The following THADA variants were observed in gnomAD, a reference collection of about 807,000 sequenced individuals.
The protein encoded by THADA is THADA armadillo repeat containing.
A neutral mutation model predicts 219.8 loss-of-function variants in THADA; 213 were observed. The ratio of observed to expected loss-of-function variants is 0.97; its 90% CI spans 0.87 to 1.09. The LOEUF (loss-of-function observed/expected upper bound fraction) is 1.09. Ranked by LOEUF, THADA falls within the 50% of genes least tolerant of loss-of-function variation. The pLI is 0.00. For synonymous variants in THADA, 1,018 were observed against 828.9 expected, an observed-to-expected ratio of 1.23 and a Z score of -3.92; for missense variants, 2,956 against 2,311.3, an observed-to-expected ratio of 1.28 and a Z score of -5.72.
At chr2:43,248,182 G>T (rs1025747618) in intron 36 of THADA, among the ~76,000 whole-genome samples, 57 of 107,590 alleles carry the variant, frequency 5.3e-4, no homozygotes, top group African/African-American at 1.7e-3. Context: ...GAGAGAGAGA[G>T]AGAGAGAGAG....
chr2:43,595,522 T>G (rs1193042728), intron 1 of THADA: 1 of 152,366 alleles, frequency 6.6e-6, no homozygotes, highest in Non-Finnish European at 1.5e-5. Flanking sequence ...TCGGTAATTA[T>G]GCCTGCTCAA....
rs1241802352 is a variant in THADA at position 43,231,362 on chromosome 2, C to G, written c.5467-19G>C. ...CTTCCACCTAAATCAGATGAAAAAG[C>G]CGAAAGTCAGTCTTACAGGGAATGG... On this transcript the variant is annotated intron_variant, in intron 37 of 37. Transcript: ENST00000405975. The G allele has an allele frequency of 9.3e-6, 14 of 1,497,822 alleles. No homozygotes were observed. Among genetic ancestry groups the G allele is most frequent in the Non-Finnish European group, 1.2e-5 (13 of 1,124,346 alleles). The allele number at this position is 1,497,822 out of a possible 1,614,324, so 92.8% of individuals were successfully genotyped here. A position where few individuals can be genotyped will look rare whatever the true frequency, so the allele number is the denominator to read the frequency against.
intron 31 of THADA, among the ~76,000 whole-genome samples, chr2:43,306,814 G>T (rs1412420507): frequency 6.6e-6 from 1 of 152,208 alleles, no homozygotes; most frequent in Non-Finnish European, 1.5e-5. Context: ...TGGGAGTCAG[G>T]ATCCAGCTGC....
At chr2:43,450,675 C>T (rs938901965) in intron 26 of THADA, among the ~76,000 whole-genome samples, 2 of 151,930 alleles carry the variant, frequency 1.3e-5, no homozygotes, top group Non-Finnish European at 2.9e-5. Context: ...AACCACAAGA[C>T]AAGAGATTGG....
intron 26 of THADA, chr2:43,463,034 C>T (rs1403278997): frequency 6.6e-6 from 1 of 152,134 alleles, no homozygotes; most frequent in East Asian, 1.9e-4. Context: ...ATACACATAC[C>T]ACTTCCATTC....
rs921527750 is a variant in THADA at position 43,543,460 on chromosome 2, A to C, written c.3107-2144T>G. Among the ~76,000 whole-genome samples, 32 of 151,362 alleles carry C rather than the reference A, an allele frequency of 2.1e-4. 1 individual carries two copies. In the South Asian group the frequency reaches 5.9e-3, roughly 28 times the overall value. ...CTGAGGAATCGCCACACTGACTTCCACAATGGTTGAACTAGTTTACAGTCC... is the reference window on the plus strand; with the variant it reads ...CTGAGGAATCGCCACACTGACTTCCCCAATGGTTGAACTAGTTTACAGTCC... On this transcript the variant is annotated intron_variant, in intron 20 of 37. Transcript: ENST00000405975.
chr2:43,585,908 T>C (rs1027725406), intron 7 of THADA, among the ~76,000 whole-genome samples: 1 of 152,058 alleles, frequency 6.6e-6, no homozygotes, highest in Admixed American at 6.5e-5. Context: ...ATAAAAACTT[T>C]GAATTTATTA....
chr2:43,370,193 T>C (rs528344154), intron 29 of THADA: 1 of 152,388 alleles, frequency 6.6e-6, no homozygotes, highest in Admixed American at 6.5e-5. Context: ...GGTTTGCCTC[T>C]TGGCCTGAAA....
intron 30 of THADA, 181 bp downstream of exon 30, chr2:43,343,941 A>G (rs1380433965): frequency 6.0e-6 from 3 of 503,554 alleles, no homozygotes; most frequent in African/African-American, 1.9e-5. Context: ...TTTTAGAAAA[A>G]TTGTCAAGAA....
At chr2:43,324,695 T>G (rs1202542409) in intron 30 of THADA, among the ~76,000 whole-genome samples, 1 of 152,204 alleles carries the variant, frequency 6.6e-6, no homozygotes, top group East Asian at 1.9e-4. Flanking sequence ...CACTGTAAGT[T>G]CAGGGTGAGC....
At position 43,293,106 on chromosome 2, in the gene THADA, G is replaced by A. The variant is rs1674940247; in HGVS notation, c.4546C>T (p.Leu1516Phe). The stretch of plus-strand genomic sequence containing the variant: ...ATGGCTAGTCTGGTGAGGCTCTGGA[G>A]GTACTGGGGCAGGCCTGGCACCTTG... ...AFKVPGLPQY[L>F]QSLTRLAIAA... is the part of the protein sequence containing the mutation. The change falls in exon 32 of 38, where the codon CTC (leucine) becomes TTC (phenylalanine). Residue 1516 changes from leucine to phenylalanine, a missense_variant. Leu to Phe is a conservative substitution (Grantham distance 22). Coordinates refer to ENST00000405975, the MANE Select transcript of THADA (RefSeq NM_022065.5). 3 of 1,613,892 alleles carry A rather than the reference G, an allele frequency of 1.9e-6. No homozygotes were observed. The highest frequency in any genetic ancestry group is 2.2e-5 in the South Asian group (2 of 91,088).
chr2:43,401,123 T>G (rs1674781095), intron 28 of THADA, among the ~76,000 whole-genome samples: 1 of 152,230 alleles, frequency 6.6e-6, no homozygotes, highest in Non-Finnish European at 1.5e-5. Context: ...GTTCTAGGCC[T>G]GAATACTAGG....
intron 28 of THADA, among the ~76,000 whole-genome samples, chr2:43,422,922 T>C (rs942935435): frequency 2.6e-5 from 4 of 152,184 alleles, no homozygotes; most frequent in Non-Finnish European, 5.9e-5. Context: ...GTTCTCCTTA[T>C]GTTGCCCAGG....
At chr2:43,439,548 G>A (rs925453327) in intron 26 of THADA, among the ~76,000 whole-genome samples, 1 of 151,394 alleles carries the variant, frequency 6.6e-6, no homozygotes, top group African/African-American at 2.4e-5. Context: ...CACAGGGCTT[G>A]TGTTCAAGGA....
chr2:43,368,653 C>T (rs1006768408), intron 29 of THADA, among the ~76,000 whole-genome samples: 2 of 151,966 alleles, frequency 1.3e-5, no homozygotes, highest in South Asian at 2.1e-4. Context: ...TTGTCTCAGG[C>T]TCCCAAAGTG....
At chr2:43,430,346 T>C (rs1321750636) in intron 26 of THADA, 44 bp from the exon 27 acceptor site, 2 of 1,148,482 alleles carry the variant, frequency 1.7e-6, no homozygotes, top group Non-Finnish European at 2.5e-6. Flanking sequence ...TTATTCCCTT[T>C]GATCTGACAA....
intron 36 of THADA, among the ~76,000 whole-genome samples, chr2:43,279,374 G>C (rs543171883): frequency 6.6e-6 from 1 of 152,194 alleles, no homozygotes; most frequent in Non-Finnish European, 1.5e-5. Flanking sequence ...TGATGGTTTT[G>C]TGATTCCTGA....
At chr2:43,297,868 G>A (rs1161347356) in intron 31 of THADA, among the ~76,000 whole-genome samples, 2 of 115,834 alleles carry the variant, frequency 1.7e-5, no homozygotes, top group East Asian at 4.6e-4. Context: ...CGTCCGGGAG[G>A]TGAGGGGCGC....
At chr2:43,340,843 C>G (rs1183869036) in intron 30 of THADA, among the ~76,000 whole-genome samples, 1 of 152,022 alleles carries the variant, frequency 6.6e-6, no homozygotes, top group Admixed American at 6.5e-5. Context: ...GAGAAGGGAC[C>G]GCTAGGACGA....
Sources: allele counts gnomAD v4.1 joint callset (sites outside exome capture counted in the v4.1 genomes callset), GRCh38; gene constraint gnomAD v4.1.1; transcripts MANE v1.5; gene names NCBI Gene and HGNC (gene_info 2026-07-23, HGNC 2026-07-21).